TMPRSS6: variants seen among roughly 807,000 people sequenced by gnomAD.
TMPRSS6 encodes the protein transmembrane serine protease 6.
TMPRSS6 carries 67 observed loss-of-function variants against 101.5 expected under a neutral mutation model. The ratio of observed to expected loss-of-function variants is 0.66; its 90% confidence interval spans 0.54 to 0.81. The LOEUF is 0.81. TMPRSS6 is among the 30% of genes least tolerant of loss of function. The probability of loss-of-function intolerance (pLI) is 0.00; values close to 1 mark genes in which losing one functional copy is unlikely to be tolerated. For synonymous variants in TMPRSS6, 453 were observed against 464.9 expected (o/e 0.97, Z 0.33); for missense variants, 1,034 against 1,088.7 (o/e 0.95, Z 0.71).
In TMPRSS6 at chr22:37,109,641, C is replaced by A. The variant is rs1930949495; in HGVS notation, c.-140G>T. 1 of 152,348 alleles carries A rather than the reference C, an allele frequency of 6.6e-6. No homozygotes were observed. Among genetic ancestry groups the A allele is most frequent in the South Asian group, 2.1e-4 (1 of 4,840 alleles). 9.4% of individuals were successfully genotyped at this position (152,348 alleles called of 1,614,324 possible). A position where few individuals can be genotyped will look rare whatever the true frequency, so the allele number is the denominator to read the frequency against. Reference sequence around the variant, plus strand: ...TAGAGCCATGACCAGGGTGTCTGGCCCTTGTCCCCTGTGGCCTGTGGCCTC... The same window carrying A: ...TAGAGCCATGACCAGGGTGTCTGGCACTTGTCCCCTGTGGCCTGTGGCCTC... On this transcript the variant is annotated 5_prime_UTR_variant, in exon 1 of 18. Coordinates refer to ENST00000676104, the MANE Select transcript of TMPRSS6 (RefSeq NM_001374504.1).
At chr22:37,072,284 G>A (rs1927054639) in intron 13 of TMPRSS6, among the ~76,000 whole-genome samples, 1 of 138,334 alleles carries the variant, frequency 7.2e-6, no homozygotes, top group African/African-American at 3.0e-5. Flanking sequence ...TGCATGGATG[G>A]ATGGATGATG....
At chr22:37,093,159 G>C (rs1387222656) in intron 6 of TMPRSS6, among the ~76,000 whole-genome samples, 2 of 152,102 alleles carry the variant, frequency 1.3e-5, no homozygotes, top group African/African-American at 2.4e-5. Flanking sequence ...CTGAGACTCT[G>C]TGCTCTGGAC....
chr22:37,065,895 G>A lies in TMPRSS6; in HGVS notation c.*185C>T. The A allele has an allele frequency of 1.3e-6, 1 of 749,360 alleles. No homozygotes were observed. Among genetic ancestry groups the A allele is most frequent in the Non-Finnish European group, 2.2e-6 (1 of 464,602 alleles). The allele number at this position is 749,360 out of a possible 1,614,324, so 46.4% of individuals were successfully genotyped here. ...GGGACGTCTTGACCCCCAGCTGCTG[G>A]CACTTCTCCATCCTCCTGCCATCAC... On this transcript the variant is annotated 3_prime_UTR_variant, in exon 18 of 18. Transcript: ENST00000676104.
Position 37,095,899 on chromosome 22 carries a change from T to C in TMPRSS6, c.589+7A>G, listed in dbSNP as rs754485283. ...GCCAACCCCACGTTTCCACTCGCAGTACTGACCCAGGATCACTAGGCCCTC... is the reference window on the plus strand; with the variant it reads ...GCCAACCCCACGTTTCCACTCGCAGCACTGACCCAGGATCACTAGGCCCTC... On this transcript the variant is annotated splice_region_variant and intron_variant, in intron 5 of 17. Coordinates refer to ENST00000676104, the MANE Select transcript of TMPRSS6 (RefSeq NM_001374504.1). The C allele has an allele frequency of 2.7e-5, 44 of 1,613,860 alleles. No individual in the cohort carries two copies. The South Asian group carries it at 4.3e-4, about 16-fold the overall frequency.
intron 6 of TMPRSS6, among the ~76,000 whole-genome samples, chr22:37,094,414 GAT>G (rs775444141): frequency 4.4e-3 from 663 of 150,492 alleles, no homozygotes; most frequent in Middle Eastern, 0.01. Flanking sequence ...TAGATAGATA[GAT>G]AGATAGATAG....
chr22:37,071,332 C>T (rs954776199), intron 13 of TMPRSS6, among the ~76,000 whole-genome samples: 1 of 152,140 alleles, frequency 6.6e-6, no homozygotes, highest in African/African-American at 2.4e-5. Context: ...AACTGTGCCT[C>T]CACTTTTAGA....
At chr22:37,070,734 A>AGAT in intron 14 of TMPRSS6, 82 bp from the exon 15 acceptor site, 1 of 1,480,754 alleles carries the variant, frequency 6.8e-7, no homozygotes, top group Non-Finnish European at 9.4e-7. Flanking sequence ...CAAAGGAAAG[A>AGAT]GATGGAGAGA....
rs749789963 is a variant in TMPRSS6, at chr22:37,070,544, C to T, written c.1781G>A (p.Gly594Glu). The change falls in exon 15 of 18, where the codon GGG becomes GAG. Residue 594 changes from glycine to glutamate, a missense_variant. Gly to Glu is a moderately conservative substitution (Grantham distance 98). Coordinates refer to ENST00000676104, the MANE Select transcript of TMPRSS6 (RefSeq NM_001374504.1). ...CCAGCGGTCAGCGATGAGGGCCCCC[C>T]CACAGATGTGTCGACCCCGAACCTG... ...SLQVRGRHIC[G>E]GALIADRWVI... is the part of the protein sequence containing the mutation. The T allele has an allele frequency of 6.2e-7, 1 of 1,613,454 alleles. No individual in the cohort carries two copies. The highest frequency in any genetic ancestry group is 8.5e-7 in the Non-Finnish European group (1 of 1,180,042).
intron 7 of TMPRSS6, among the ~76,000 whole-genome samples, chr22:37,088,334 T>A (rs9610646): frequency 2.6e-5 from 4 of 151,964 alleles, no homozygotes; most frequent in Admixed American, 6.6e-5. Context: ...CAAGAACCTC[T>A]GCCAGCTCAC....
chr22:37,084,426 T>C (rs1454736499), intron 9 of TMPRSS6, 22 bp from the exon 10 acceptor site: 7 of 1,581,730 alleles, frequency 4.4e-6, no homozygotes, highest in Non-Finnish European at 6.1e-6. Flanking sequence ...GAGCGGGCCA[T>C]CAGGTGGCCC....
intron 2 of TMPRSS6, among the ~76,000 whole-genome samples, 172 bp from the exon 3 acceptor site, chr22:37,098,721 G>A (rs1930046030): frequency 6.6e-6 from 1 of 152,130 alleles, no homozygotes; most frequent in African/African-American, 2.4e-5. Flanking sequence ...TGTCATCATG[G>A]TCATCTAAAG....
Position 37,075,276 on chromosome 22 carries a change from A to G in TMPRSS6, c.1201T>C (p.Cys401Arg), listed in dbSNP as rs762781526. The G allele has an allele frequency of 4.3e-6, 7 of 1,613,488 alleles. No homozygotes were observed. Among genetic ancestry groups the G allele is most frequent in the Non-Finnish European group, 5.9e-6 (7 of 1,179,982 alleles). Residue 401 changes from cysteine (C) to arginine (R), a missense_variant, in exon 11 of 18, where the codon TGT (cysteine) becomes CGT (arginine). By Grantham distance (180) the Cys-to-Arg change is radical. Transcript: ENST00000676104. ...GQWTIQNRRLCGLRILQPYAE... is the reference protein window; with the variant it reads ...GQWTIQNRRLRGLRILQPYAE... ...TAGGGCTGCAGGATGCGCAAGCCAC[A>G]CAGCCTGGGGGGAGTCAGAGACGAC...
At chr22:37,073,693 C>T in intron 12 of TMPRSS6, 48 bp from the exon 13 acceptor site, 2 of 1,309,608 alleles carry the variant, frequency 1.5e-6, no homozygotes, top group Non-Finnish European at 2.2e-6. Flanking sequence ...GCCAGAGGAG[C>T]CAGCCGGGGC....
In TMPRSS6 at chr22:37,066,087, A is replaced by G; in HGVS notation, c.2402T>C (p.Val801Ala). 1 of 1,613,468 alleles carries G rather than the reference A, an allele frequency of 6.2e-7. No individual in the cohort carries two copies. Among genetic ancestry groups the G allele is most frequent in the South Asian group, 1.1e-5 (1 of 91,074 alleles). ...TGVISWIQQV[V>A]T is the part of the protein sequence containing the mutation. ...TTGCAGGGGGGCAGTTCCTCAGGTC[A>G]CCACTTGCTGGATCCAGCTGATCAC... The change falls in exon 18 of 18, where the codon GTG becomes GCG. Residue 801 changes from valine (V) to alanine (A), a missense_variant. Physicochemically the swap from Val to Ala is moderately conservative, Grantham distance 64. Coordinates refer to ENST00000676104, the MANE Select transcript of TMPRSS6 (RefSeq NM_001374504.1).
intron 16 of TMPRSS6, among the ~76,000 whole-genome samples, chr22:37,068,214 C>T (rs1202990933): frequency 6.6e-6 from 1 of 152,074 alleles, no homozygotes. Flanking sequence ...ACTTGGTGCT[C>T]AGAAAGTGTC....
intron 10 of TMPRSS6, among the ~76,000 whole-genome samples, chr22:37,080,800 T>A (rs1928204536): frequency 6.6e-6 from 1 of 152,274 alleles, no homozygotes; most frequent in South Asian, 2.1e-4. Flanking sequence ...CCACAGAAAC[T>A]GTCGATCCCC....
intron 7 of TMPRSS6, 115 bp downstream of exon 7, chr22:37,089,463 C>T: frequency 9.5e-7 from 1 of 1,048,158 alleles, no homozygotes; most frequent in Non-Finnish European, 1.4e-6. Flanking sequence ...TCCCAGATAC[C>T]CAGGCCCAAG....
intron 12 of TMPRSS6, among the ~76,000 whole-genome samples, chr22:37,073,988 A>T (rs977652698): frequency 6.6e-6 from 1 of 152,196 alleles, no homozygotes; most frequent in South Asian, 2.1e-4. Context: ...ACCTCAGGTG[A>T]TCCGCTCGAC....
At position 37,066,592 on chromosome 22, in the gene TMPRSS6, C is replaced by G. The variant is rs35851175; in HGVS notation, c.2250+234G>C. Among the ~76,000 whole-genome samples, 16,810 of 152,324 alleles carry G rather than the reference C, an allele frequency of 0.11. 1,219 individuals are homozygous for G. Among genetic ancestry groups the G allele is most frequent in the Admixed American group, 0.18 (2,681 of 15,300 alleles). ...GGCAAGGAGCAGAACTGGGTTTGAGCCTAACACCTGCCCATCACAGCATCT... is the reference window on the plus strand; with the variant it reads ...GGCAAGGAGCAGAACTGGGTTTGAGGCTAACACCTGCCCATCACAGCATCT... On this transcript the variant is annotated intron_variant, in intron 17 of 17. Coordinates refer to ENST00000676104, the MANE Select transcript of TMPRSS6 (RefSeq NM_001374504.1).
Sources: allele counts gnomAD v4.1 joint callset (sites outside exome capture counted in the v4.1 genomes callset), GRCh38; gene constraint gnomAD v4.1.1; transcripts MANE v1.5; gene names NCBI Gene and HGNC (gene_info 2026-07-23, HGNC 2026-07-21).